PPFIA2: variants seen among roughly 807,000 people sequenced by gnomAD.
The protein encoded by PPFIA2 is liprin-alpha-2.
Under a neutral mutation model 175.5 loss-of-function variants are expected in PPFIA2, and 46 were observed. The ratio of observed to expected loss-of-function variants is 0.26; its 90% CI spans 0.21 to 0.34. PPFIA2 has a LOEUF of 0.34. Ranked by LOEUF, PPFIA2 falls within the 10% of genes least tolerant of loss-of-function variation. The pLI is 1.00. For missense variants in PPFIA2, 1,179 were observed against 1,506.1 expected (o/e 0.78, Z 3.60); for synonymous variants, 568 against 511.4 (o/e 1.11, Z -1.49).
intron 3 of PPFIA2, among the ~76,000 whole-genome samples, chr12:81,745,289 C>A (rs76269926): frequency 0.054 from 8,154 of 152,176 alleles, 280 homozygotes; most frequent in Middle Eastern, 0.085. Flanking sequence ...TTACTTCAAG[C>A]CCTGAAGTCT....
At chr12:81,435,757 T>C (rs1480006593) in intron 7 of PPFIA2, among the ~76,000 whole-genome samples, 1 of 127,060 alleles carries the variant, frequency 7.9e-6, no homozygotes, top group Non-Finnish European at 1.9e-5. Context: ...AATCTAAATC[T>C]CTTCTCTTAA....
intron 32 of PPFIA2, chr12:81,260,592 G>A (rs1012456648): frequency 6.6e-6 from 1 of 152,042 alleles, no homozygotes; most frequent in Non-Finnish European, 1.5e-5. Context: ...TTAATGTAAG[G>A]GTTGTACATT....
At chr12:81,528,211 A>G (rs921234427) in intron 4 of PPFIA2, among the ~76,000 whole-genome samples, 1 of 152,098 alleles carries the variant, frequency 6.6e-6, no homozygotes, top group Non-Finnish European at 1.5e-5. Flanking sequence ...AGTCACCAAC[A>G]ATAGACAGAG....
In PPFIA2 at chr12:81,520,701, C is replaced by T. The variant is rs144850679; in HGVS notation, c.304-62835G>A. Among the ~76,000 whole-genome samples the T allele has an allele frequency of 3.7e-3, 560 of 152,300 alleles. 3 individuals are homozygous for T. The highest frequency in any genetic ancestry group is 0.013 in the African/African-American group (521 of 41,558). ...GATAGGAAGTAGTCAGTTAAGACAACAGCTGAGAGGAAGAGGGTCAGGAGG... is the reference window on the plus strand; with the variant it reads ...GATAGGAAGTAGTCAGTTAAGACAATAGCTGAGAGGAAGAGGGTCAGGAGG... On this transcript the variant is annotated intron_variant, in intron 4 of 32. Coordinates refer to ENST00000549396, the MANE Select transcript of PPFIA2 (RefSeq NM_003625.5).
At chr12:81,582,375 A>T (rs542529716) in intron 4 of PPFIA2, among the ~76,000 whole-genome samples, 40 of 151,946 alleles carry the variant, frequency 2.6e-4, no homozygotes, top group African/African-American at 9.4e-4. Flanking sequence ...TATTGGCAGC[A>T]TTTCATATTA....
chr12:81,509,665 TC>T (rs989077152), intron 4 of PPFIA2, among the ~76,000 whole-genome samples: 12 of 151,834 alleles, frequency 7.9e-5, no homozygotes, highest in African/African-American at 2.7e-4. Flanking sequence ...ATAAAGTCTG[TC>T]CCCATCTCAA....
chr12:81,381,680 G>A (rs1258719960), intron 9 of PPFIA2, among the ~76,000 whole-genome samples: 1 of 152,046 alleles, frequency 6.6e-6, no homozygotes, highest in Non-Finnish European at 1.5e-5. Flanking sequence ...TGAATTGTGG[G>A]GAGTAGTGAA....
chr12:81,651,860 T>A (rs2153533544), intron 4 of PPFIA2, among the ~76,000 whole-genome samples: 1 of 152,264 alleles, frequency 6.6e-6, no homozygotes, highest in Non-Finnish European at 1.5e-5. Context: ...TGTTCTTTCC[T>A]TTGGTATTAT....
chr12:81,564,913 C>G (rs1396486927), intron 4 of PPFIA2, among the ~76,000 whole-genome samples: 1 of 152,130 alleles, frequency 6.6e-6, no homozygotes. Context: ...GACACAAGCT[C>G]TTATCATACA....
At chr12:81,544,037 A>C (rs979280937) in intron 4 of PPFIA2, among the ~76,000 whole-genome samples, 1 of 152,298 alleles carries the variant, frequency 6.6e-6, no homozygotes, top group Middle Eastern at 3.4e-3. Context: ...ACCTTAGGAA[A>C]GAGCCAAAGA....
chr12:81,504,054 C>G (rs572220404), intron 4 of PPFIA2, among the ~76,000 whole-genome samples: 1 of 151,960 alleles, frequency 6.6e-6, no homozygotes, highest in East Asian at 1.9e-4. Context: ...TTTTGAGATA[C>G]TTTTATGTGC....
intron 22 of PPFIA2, among the ~76,000 whole-genome samples, chr12:81,317,391 G>A (rs1358717771): frequency 6.6e-6 from 1 of 151,498 alleles, no homozygotes; most frequent in Non-Finnish European, 1.5e-5. Context: ...ATAAGATTTA[G>A]ATAGGTCTGT....
At chr12:81,672,517 TCAGGAC>T (rs1436248815) in intron 4 of PPFIA2, among the ~76,000 whole-genome samples, 1 of 151,962 alleles carries the variant, frequency 6.6e-6, no homozygotes, top group Non-Finnish European at 1.5e-5. Context: ...TTAAGAATGT[TCAGGAC>T]AGTGTGCATA....
In PPFIA2 at chr12:81,310,826, T is replaced by C. The variant is rs147563390; in HGVS notation, c.2643-11444A>G. ...GCAAATAATACATCACCAAGTCATT[T>C]TGGCAATGGCAACTGTAACTTAAAA... On this transcript the variant is annotated intron_variant, in intron 22 of 32. Transcript: ENST00000549396. 3.1e-3 allele frequency among the ~76,000 whole-genome samples: 477 copies of C among 152,282 alleles called. 2 individuals carry two copies. Among genetic ancestry groups the C allele is most frequent in the African/African-American group, 0.011 (450 of 41,576 alleles).
At chr12:81,374,863 G>T in intron 10 of PPFIA2, 95 bp from the exon 11 acceptor site, 1 of 1,215,104 alleles carries the variant, frequency 8.2e-7, no homozygotes. Flanking sequence ...CATGATTCTA[G>T]ATTTAAATCA....
chr12:81,450,637 A>G (rs1034760075), intron 5 of PPFIA2, among the ~76,000 whole-genome samples: 2 of 151,980 alleles, frequency 1.3e-5, no homozygotes, highest in African/African-American at 4.8e-5. Context: ...GAAGCTCTTT[A>G]GTTTAATTAG....
chr12:81,737,127 A>T (rs1389575365), intron 3 of PPFIA2, among the ~76,000 whole-genome samples: 4 of 151,998 alleles, frequency 2.6e-5, no homozygotes, highest in Admixed American at 6.6e-5. Context: ...AAGGCAAAAA[A>T]AAACAGTGAA....
At chr12:81,370,949 T>C (rs2034928804) in intron 11 of PPFIA2, among the ~76,000 whole-genome samples, 2 of 151,872 alleles carry the variant, frequency 1.3e-5, no homozygotes, top group African/African-American at 4.8e-5. Context: ...TATATAAATA[T>C]GTCATGCAGT....
rs188828203 is a variant in PPFIA2 at position 81,614,847 on chromosome 12, T to C, written c.303+61944A>G. On this transcript the variant is annotated intron_variant, in intron 4 of 32. Transcript: ENST00000549396. ...TAATAATGATAATAATGATAAACCT[T>C]CTATTTATTCCTCAATTATGCATAA... Among the ~76,000 whole-genome samples the C allele has an allele frequency of 2.6e-5, 4 of 152,272 alleles. No homozygotes were observed. The East Asian group carries it at 5.8e-4, about 22-fold the overall frequency.
Sources: allele counts gnomAD v4.1 joint callset (sites outside exome capture counted in the v4.1 genomes callset), GRCh38; gene constraint gnomAD v4.1.1; transcripts MANE v1.5; gene names NCBI Gene and HGNC (gene_info 2026-07-23, HGNC 2026-07-21).